MASTL: variants seen among roughly 807,000 people sequenced by gnomAD.
MASTL encodes serine/threonine-protein kinase greatwall.
Under a neutral mutation model 82.5 loss-of-function variants are expected in MASTL, and 54 were observed. That is an observed-to-expected ratio of 0.65 (90% CI 0.53 to 0.82). MASTL has a LOEUF of 0.82. Among genes scored for constraint, MASTL ranks in the 40% least tolerant of loss-of-function variants. The pLI is 0.00. For missense variants in MASTL, 950 were observed against 1,047.8 expected (o/e 0.91, Z 1.29); for synonymous variants, 323 against 368.9 (o/e 0.88, Z 1.43).
rs750218603 is a variant in MASTL, at chr10:27,155,418, T to C, written c.-9T>C. 6.2e-7 allele frequency: 1 copy of C among 1,603,212 alleles called. No homozygotes were observed. Among genetic ancestry groups the C allele is most frequent in the Non-Finnish European group, 8.5e-7 (1 of 1,176,038 alleles). On this transcript the variant is annotated 5_prime_UTR_variant, in exon 1 of 12. Coordinates refer to ENST00000375940, the MANE Select transcript of MASTL (RefSeq NM_001172303.3). ...CAGTGTCTGCGGGGCCGCTGTATGCTGTCCAGCGATGGATCCCACCGCGGG... is the reference window on the plus strand; with the variant it reads ...CAGTGTCTGCGGGGCCGCTGTATGCCGTCCAGCGATGGATCCCACCGCGGG...
intron 4 of MASTL, among the ~76,000 whole-genome samples, chr10:27,161,995 TTAAA>T (rs1451974458): frequency 6.6e-6 from 1 of 152,152 alleles, no homozygotes; most frequent in Admixed American, 6.6e-5. Context: ...CTAGTAGTAA[TTAAA>T]TAAATGCTAA....
At chr10:27,161,460 G>C (rs530916343) in intron 4 of MASTL, among the ~76,000 whole-genome samples, 1 of 150,930 alleles carries the variant, frequency 6.6e-6, no homozygotes, top group Non-Finnish European at 1.5e-5. Context: ...AGTGAGCTGA[G>C]ATCCCGCCAT....
chr10:27,160,889 CTT>C (rs970786685), intron 3 of MASTL, among the ~76,000 whole-genome samples: 9 of 151,954 alleles, frequency 5.9e-5, no homozygotes, highest in African/African-American at 2.2e-4. Context: ...ATTAATTTAT[CTT>C]TTTTGTAGAT....
intron 9 of MASTL, among the ~76,000 whole-genome samples, chr10:27,178,879 GTAT>G (rs2058186196): frequency 6.6e-6 from 1 of 152,016 alleles, no homozygotes; most frequent in Non-Finnish European, 1.5e-5. Context: ...TGTTTTTATA[GTAT>G]TATAGAAATA....
At chr10:27,171,335 T>A (rs1270537118) in intron 8 of MASTL, among the ~76,000 whole-genome samples, 3 of 152,010 alleles carry the variant, frequency 2.0e-5, no homozygotes, top group African/African-American at 7.3e-5. Flanking sequence ...AATCACATAT[T>A]TTCACTTGAT....
chr10:27,157,257 TC>T (rs1349240898), intron 1 of MASTL, among the ~76,000 whole-genome samples: 2 of 152,238 alleles, frequency 1.3e-5, no homozygotes, highest in Admixed American at 1.3e-4. Context: ...CTTTATATGT[TC>T]CTGAGATTTT....
chr10:27,173,484 T>C (rs146769515), intron 9 of MASTL, among the ~76,000 whole-genome samples: 45 of 152,274 alleles, frequency 3.0e-4, no homozygotes, highest in African/African-American at 1.1e-3. Flanking sequence ...CATGTAGTCA[T>C]TTGTCCTTTG....
Position 27,181,580 on chromosome 10 carries a change from A to C in MASTL, c.2481A>C (p.Lys827Asn), listed in dbSNP as rs1216622555. The C allele has an allele frequency of 1.9e-6, 3 of 1,597,812 alleles. No individual in the cohort carries two copies. Among genetic ancestry groups the C allele is most frequent in the African/African-American group, 2.7e-5 (2 of 74,618 alleles). ...ATGATACAAAGAGAGCTGGAATGAA[A>C]GGTATGGTTTTGTGTTAATACATTG... The part of the protein sequence containing the change: ...TIDDTKRAGM[K>N]ELKRHPLFSD... Residue 827 changes from lysine to asparagine, a missense_variant and splice_region_variant, in exon 11 of 12, where the codon AAA becomes AAC. Transcript: ENST00000375940.
At position 27,171,088 on chromosome 10, in the gene MASTL, A is replaced by G; in HGVS notation, c.2124+5A>G. The G allele has an allele frequency of 6.2e-7, 1 of 1,612,480 alleles. No homozygotes were observed. The highest frequency in any genetic ancestry group is 8.5e-7 in the Non-Finnish European group (1 of 1,178,524). ...AGATCCTGTATGCCACATCAGGTATATTTATAACTTTCTAATACTGTTTTT... is the reference window on the plus strand; with the variant it reads ...AGATCCTGTATGCCACATCAGGTATGTTTATAACTTTCTAATACTGTTTTT... On this transcript the variant is annotated splice_donor_5th_base_variant and intron_variant, in intron 8 of 11. Coordinates refer to ENST00000375940, the MANE Select transcript of MASTL (RefSeq NM_001172303.3).
Position 27,170,843 on chromosome 10 carries a change from A to G in MASTL, c.1884A>G (p.Val628=), listed in dbSNP as rs747815458. The G allele has an allele frequency of 1.2e-6, 2 of 1,614,188 alleles. No individual in the cohort carries two copies. Among genetic ancestry groups the G allele is most frequent in the Admixed American group, 3.3e-5 (2 of 60,022 alleles). The change falls in exon 8 of 12, where the codon GTA becomes GTG. Residue 628 remains valine (V), a synonymous_variant. Coordinates refer to ENST00000375940, the MANE Select transcript of MASTL (RefSeq NM_001172303.3). ...TSPKGVENPA[V]QESNQKMLGP... ...CAAAAGGTGTCGAGAACCCTGCTGT[A>G]CAAGAGAGTAACCAAAAAATGTTAG...
chr10:27,165,443 C>G lies in MASTL; in HGVS notation c.715C>G (p.Leu239Val). 1.2e-6 allele frequency: 2 copies of G among 1,614,176 alleles called. No homozygotes were observed. Among genetic ancestry groups the G allele is most frequent in the Non-Finnish European group, 1.7e-6 (2 of 1,180,012 alleles). ...QDPANILSACLSETSQLSQGL... is the reference protein window; with the variant it reads ...QDPANILSACVSETSQLSQGL... ...CCCTGCAAACATCCTTTCAGCCTGT[C>G]TGTCTGAAACATCACAGCTTTCTCA... The change falls in exon 6 of 12, where the codon CTG becomes GTG. Residue 239 changes from leucine (L) to valine (V), a missense_variant. Coordinates refer to ENST00000375940, the MANE Select transcript of MASTL (RefSeq NM_001172303.3).
intron 4 of MASTL, among the ~76,000 whole-genome samples, chr10:27,163,451 A>G (rs2057637941): frequency 6.6e-6 from 1 of 152,206 alleles, no homozygotes; most frequent in Non-Finnish European, 1.5e-5. Context: ...GCATTAAGAT[A>G]AAATTGTTGA....
chr10:27,165,015 G>C, intron 4 of MASTL, 49 bp from the exon 5 acceptor site: 1 of 1,135,940 alleles, frequency 8.8e-7, no homozygotes, highest in South Asian at 1.3e-5. Context: ...TTAGTCAATG[G>C]GAGGTAAAGG....
chr10:27,183,932 G>A (rs2058477727), intron 11 of MASTL, among the ~76,000 whole-genome samples: 1 of 151,932 alleles, frequency 6.6e-6, no homozygotes, highest in Admixed American at 6.6e-5. Flanking sequence ...GGCTGGTCTC[G>A]AACTCCTGGG....
chr10:27,174,618 C>T (rs1303843044), intron 9 of MASTL, among the ~76,000 whole-genome samples: 1 of 152,070 alleles, frequency 6.6e-6, no homozygotes, highest in Non-Finnish European at 1.5e-5. Context: ...CTCTTCCTGG[C>T]TTCTGGTGGC....
rs2057492651 is a variant in MASTL, at chr10:27,159,251, A to G, written c.325-368A>G. 6.6e-6 allele frequency among the ~76,000 whole-genome samples: 1 copy of G among 151,928 alleles called. No individual in the cohort carries two copies. The highest frequency in any genetic ancestry group is 2.4e-5 in the African/African-American group (1 of 41,322). On this transcript the variant is annotated intron_variant, in intron 2 of 11. Coordinates refer to ENST00000375940, the MANE Select transcript of MASTL (RefSeq NM_001172303.3). This position sits in a 1 kb window ranked among gnomAD's most constrained non-coding sequence, Gnocchi z 4.0. ...GTAGCTGAGATTACAGGCCCAGCTA[A>G]TTTTTTGTATAAATTAGCTGCCACC...
chr10:27,174,845 C>T (rs1369128837), intron 9 of MASTL, among the ~76,000 whole-genome samples: 1 of 152,138 alleles, frequency 6.6e-6, no homozygotes, highest in Non-Finnish European at 1.5e-5. Flanking sequence ...CAAATAAGGT[C>T]ACATTTTTAG....
chr10:27,165,682 G>A (rs1011750515), intron 6 of MASTL, 143 bp downstream of exon 6: 8 of 930,394 alleles, frequency 8.6e-6, no homozygotes, highest in Admixed American at 4.3e-5. Context: ...GCGCGATCTC[G>A]GCGGCTCACT....
chr10:27,155,671 C>T (rs774988078), intron 1 of MASTL, 59 bp downstream of exon 1: 282 of 1,591,020 alleles, frequency 1.8e-4, no homozygotes, highest in Non-Finnish European at 2.4e-4. Context: ...CTTCCTGCCC[C>T]ACCGGCTTGG....
Sources: gnomAD v4.1 joint callset for allele counts (sites outside exome capture counted in the v4.1 genomes callset) on GRCh38, gnomAD v4.1.1 for gene constraint, Gnocchi (gnomAD v3.1) non-coding constraint, MANE v1.5 for transcripts, NCBI Gene and HGNC (gene_info 2026-07-23, HGNC 2026-07-21) for gene names.